SOX6: variants seen among roughly 807,000 people sequenced by gnomAD.
SOX6 encodes the protein transcription factor SOX-6.
In SOX6, 11 loss-of-function variants were observed where a neutral mutation model predicts 97.8. The observed-to-expected ratio is 0.11, with a 90% confidence interval of 0.07 to 0.19. The LOEUF (loss-of-function observed/expected upper bound fraction) is 0.19, where lower values mean the gene tolerates loss of function less well. Among genes scored for constraint, SOX6 ranks in the 10% least tolerant of loss-of-function variants. The pLI is 1.00. For missense variants in SOX6, 810 were observed against 1,039.5 expected (o/e 0.78, Z 3.04); for synonymous variants, 360 against 371.4 (o/e 0.97, Z 0.35).
Position 16,104,815 on chromosome 11 carries a change from T to G in SOX6, c.898+6988A>C, listed in dbSNP as rs537669446. ...ACCTAGGAGAAATGGACAAATTCCT[T>G]AAAACATGAATATTACCCAACTCAA... On this transcript the variant is annotated intron_variant, in intron 7 of 15. Coordinates refer to ENST00000683767, the MANE Select transcript of SOX6 (RefSeq NM_001367873.1). Among the ~76,000 whole-genome samples, 21 of 152,136 alleles carry G rather than the reference T, an allele frequency of 1.4e-4. No homozygotes were observed. The East Asian group carries it at 2.9e-3, about 21-fold the overall frequency.
At chr11:16,050,022 C>T (rs960358739) in intron 10 of SOX6, 84 bp from the exon 11 acceptor site, 46 of 1,380,578 alleles carry the variant, frequency 3.3e-5, no homozygotes, top group Non-Finnish European at 4.1e-5. Flanking sequence ...TTATTTTACA[C>T]CTCAGAGACA....
At chr11:16,257,746 C>A (rs967449452) in intron 3 of SOX6, among the ~76,000 whole-genome samples, 5 of 151,732 alleles carry the variant, frequency 3.3e-5, no homozygotes, top group African/African-American at 1.2e-4. Flanking sequence ...CTGTGAAAGA[C>A]ACTGTTAAGA....
intron 1 of SOX6, among the ~76,000 whole-genome samples, chr11:16,378,990 G>T (rs1234278124): frequency 6.6e-6 from 1 of 151,796 alleles, no homozygotes; most frequent in Non-Finnish European, 1.5e-5. Context: ...TATGACATAA[G>T]TAATATTATT....
At chr11:16,492,185 G>A (rs905946736) in intron 4 of SOX6, among the ~76,000 whole-genome samples, 1 of 152,156 alleles carries the variant, frequency 6.6e-6, no homozygotes, top group Non-Finnish European at 1.5e-5. Flanking sequence ...TTCGTCAAAA[G>A]ACACCATAAG....
At chr11:16,484,205 GC>G (rs1409277033) in intron 4 of SOX6, 1 of 810,456 alleles carries the variant, frequency 1.2e-6, no homozygotes, top group Non-Finnish European at 2.2e-6. Flanking sequence ...GATGCCAATA[GC>G]TTTCACCAGC....
intron 4 of SOX6, among the ~76,000 whole-genome samples, chr11:16,578,198 C>T (rs974033054): frequency 6.6e-6 from 1 of 152,078 alleles, no homozygotes; most frequent in Admixed American, 6.6e-5. Context: ...AATTGTCTTG[C>T]TTGGCACCCT....
intron 4 of SOX6, among the ~76,000 whole-genome samples, chr11:16,582,346 C>T (rs543714331): frequency 1.3e-5 from 2 of 152,224 alleles, no homozygotes; most frequent in South Asian, 2.1e-4. Flanking sequence ...ATGAGTGATA[C>T]ATTAGAAATA....
chr11:16,178,165 G>A (rs868207195), intron 6 of SOX6, among the ~76,000 whole-genome samples: 1 of 151,920 alleles, frequency 6.6e-6, no homozygotes, highest in African/African-American at 2.4e-5. Context: ...ATTTTTAGGC[G>A]CATTCCAACT....
rs921871671 is a variant in SOX6 at position 16,588,993 on chromosome 11, C to T, written n.609+23088G>A. Among the ~76,000 whole-genome samples the T allele has an allele frequency of 2.0e-5, 3 of 152,180 alleles. No individual in the cohort carries two copies. In the South Asian group the frequency reaches 6.2e-4, roughly 32 times the overall value. On this transcript the variant is annotated intron_variant and non_coding_transcript_variant, in intron 4 of 5. Transcript: ENST00000524520. ...GAGCTATGATCGTGCCACTGCACTC[C>T]AGCCTCTGTGACAGAGTGAGACCAA...
chr11:16,390,865 T>C (rs1484398329), intron 1 of SOX6, among the ~76,000 whole-genome samples: 1 of 152,202 alleles, frequency 6.6e-6, no homozygotes, highest in African/African-American at 2.4e-5. Flanking sequence ...GGATTATAAA[T>C]CATTCTACAA....
chr11:16,544,458 C>T (rs533171581), intron 4 of SOX6, among the ~76,000 whole-genome samples: 131 of 152,068 alleles, frequency 8.6e-4, no homozygotes, highest in Non-Finnish European at 1.5e-3. Context: ...AGGCATCTCA[C>T]TATGTTGACT....
intron 1 of SOX6, among the ~76,000 whole-genome samples, chr11:16,464,077 T>C (rs1859983907): frequency 6.6e-6 from 1 of 152,134 alleles, no homozygotes; most frequent in Non-Finnish European, 1.5e-5. Flanking sequence ...TCTAAAAAAT[T>C]TAAAATTCTC....
At chr11:15,987,925 T>C (rs1260827195) in intron 14 of SOX6, among the ~76,000 whole-genome samples, 2 of 152,164 alleles carry the variant, frequency 1.3e-5, no homozygotes, top group African/African-American at 2.4e-5. Context: ...ATCTTATGTA[T>C]GTTTTAAATT....
rs1177014374 is a variant in SOX6 at position 16,714,536 on chromosome 11, C to T, written n.429+294G>A. 4.7e-5 allele frequency among the ~76,000 whole-genome samples: 7 copies of T among 150,332 alleles called. No homozygotes were observed. In the South Asian group the frequency reaches 1.5e-3, roughly 32 times the overall value. On this transcript the variant is annotated intron_variant and non_coding_transcript_variant, in intron 3 of 5. Transcript: ENST00000524520. ...GGCGCATCTCGGCTCACTGCAACCTCCGCCTCCCGGGTTCAAGCAATTCTC... is the reference window on the plus strand; with the variant it reads ...GGCGCATCTCGGCTCACTGCAACCTTCGCCTCCCGGGTTCAAGCAATTCTC...
chr11:16,670,056 G>C (rs192648057), intron 3 of SOX6, among the ~76,000 whole-genome samples: 3 of 151,848 alleles, frequency 2.0e-5, no homozygotes, highest in African/African-American at 2.4e-5. Flanking sequence ...CCCTACCCCC[G>C]CCCTTCACCA....
chr11:16,608,723 A>T (rs1248006690), intron 4 of SOX6, among the ~76,000 whole-genome samples: 1 of 152,246 alleles, frequency 6.6e-6, no homozygotes, highest in Admixed American at 6.5e-5. Context: ...CAGGACATGT[A>T]CAAATCACCA....
At chr11:16,563,686 C>A (rs969405159) in intron 4 of SOX6, among the ~76,000 whole-genome samples, 1 of 152,098 alleles carries the variant, frequency 6.6e-6, no homozygotes, top group African/African-American at 2.4e-5. Context: ...GACAGTGACA[C>A]TGAAAATGTA....
chr11:16,038,360 G>A (rs1482416512), intron 12 of SOX6, among the ~76,000 whole-genome samples: 3 of 151,926 alleles, frequency 2.0e-5, no homozygotes, highest in Non-Finnish European at 4.4e-5. Context: ...GAGATGTTAG[G>A]GCCATCTAAC....
chr11:16,275,472 C>T (rs1458215527), intron 3 of SOX6, among the ~76,000 whole-genome samples: 1 of 145,658 alleles, frequency 6.9e-6, no homozygotes. Flanking sequence ...GAACAAAAAA[C>T]AAAACAAAAC....
Sources: gnomAD v4.1 joint callset for allele counts (sites outside exome capture counted in the v4.1 genomes callset) on GRCh38, gnomAD v4.1.1 for gene constraint, MANE v1.5 for transcripts, NCBI Gene and HGNC (gene_info 2026-07-23, HGNC 2026-07-21) for gene names.